Variants in WWC1 observed in about 807,000 individuals in gnomAD.
WWC1 encodes protein KIBRA.
A neutral mutation model predicts 138.4 loss-of-function variants in WWC1; 55 were observed. That is an observed-to-expected ratio of 0.40 (90% CI 0.32 to 0.50). The LOEUF (loss-of-function observed/expected upper bound fraction) is 0.50, where lower values mean the gene tolerates loss of function less well. WWC1 is among the 20% of genes least tolerant of loss of function. WWC1 has a pLI of 0.72. For synonymous variants in WWC1, 524 were observed against 564.9 expected, an observed-to-expected ratio of 0.93 and a Z score of 1.03; for missense variants, 1,226 against 1,420.4, an observed-to-expected ratio of 0.86 and a Z score of 2.20.
Position 168,292,338 on chromosome 5 carries a change from C to G in WWC1, c.119+67C>G. ...CTGGGCCCCCACCTGCCCCTGGAGC[C>G]GCCGGCCGGGACTGGGAGGGGGCAG... On this transcript the variant is annotated intron_variant, in intron 1 of 22. Transcript: ENST00000265293. The surrounding 1 kb of genome is among the most constrained non-coding windows in gnomAD (Gnocchi z 4.4). 1 of 1,523,854 alleles carries G rather than the reference C, an allele frequency of 6.6e-7. No individual in the cohort carries two copies. The highest frequency in any genetic ancestry group is 8.8e-7 in the Non-Finnish European group (1 of 1,133,082). 94.4% of individuals were successfully genotyped at this position (1,523,854 alleles called of 1,614,324 possible).
chr5:168,372,053 T>TTGTGTGTGTG (rs10595228), intron 2 of WWC1, among the ~76,000 whole-genome samples: 3,561 of 141,308 alleles, frequency 0.025, 62 homozygotes, highest in African/African-American at 0.034. Flanking sequence ...AAGAGTGTGT[T>TTGTGTGTGTG]TGTGTGTGTG....
intron 1 of WWC1, among the ~76,000 whole-genome samples, chr5:168,347,782 A>G (rs114159193): frequency 8.9e-4 from 136 of 152,246 alleles, no homozygotes; most frequent in Middle Eastern, 3.4e-3. Context: ...AAAAATCCCT[A>G]TATATTTATG....
At chr5:168,414,778 C>A in intron 9 of WWC1, 188 bp downstream of exon 9, 1 of 844,338 alleles carries the variant, frequency 1.2e-6, no homozygotes, top group Non-Finnish European at 1.7e-6. Flanking sequence ...AGTGCGCCAG[C>A]TACCCTGGAA....
At chr5:168,361,137 C>G (rs932145319) in intron 1 of WWC1, among the ~76,000 whole-genome samples, 7 of 152,164 alleles carry the variant, frequency 4.6e-5, no homozygotes, top group African/African-American at 1.7e-4. Flanking sequence ...CTGCTCTATA[C>G]CTGCAGGAAA....
intron 11 of WWC1, among the ~76,000 whole-genome samples, chr5:168,426,643 G>A (rs1781525400): frequency 6.6e-6 from 1 of 152,216 alleles, no homozygotes; most frequent in South Asian, 2.1e-4. Flanking sequence ...CTGAAAGCAG[G>A]AGGTCTCCGC....
chr5:168,377,425 CA>C (rs142114627), intron 2 of WWC1, among the ~76,000 whole-genome samples: 1,592 of 152,216 alleles, frequency 0.01, 35 homozygotes, highest in African/African-American at 0.036. Flanking sequence ...CTAAAATTGA[CA>C]AATGGGACCT....
At position 168,469,587 on chromosome 5, in the gene WWC1, A is replaced by C. The variant is rs1484917503; in HGVS notation, c.*570A>C. 6.5e-6 allele frequency: 1 copy of C among 154,064 alleles called. No individual in the cohort carries two copies. The highest frequency in any genetic ancestry group is 2.4e-5 in the African/African-American group (1 of 41,452). The allele number at this position is 154,064 out of a possible 1,614,324, so 9.5% of individuals were successfully genotyped here. On this transcript the variant is annotated 3_prime_UTR_variant, in exon 23 of 23. Transcript: ENST00000265293. ...GTGACGTGTTTTTATGTGGCTGCCC[A>C]ACGTGGAGCGGGCAGTGTGATAGGC...
intron 1 of WWC1, among the ~76,000 whole-genome samples, chr5:168,347,002 C>G (rs1423127018): frequency 6.6e-6 from 1 of 152,142 alleles, no homozygotes; most frequent in East Asian, 1.9e-4. Context: ...ACACCTGCAG[C>G]TGCTGTTTTC....
chr5:168,396,963 TTC>T (rs1199927487), intron 3 of WWC1, among the ~76,000 whole-genome samples: 1 of 151,722 alleles, frequency 6.6e-6, no homozygotes, highest in African/African-American at 2.4e-5. Context: ...TTTTATTTTT[TTC>T]TGATTGTAAA....
chr5:168,446,328 A>C (rs996444360), intron 17 of WWC1, among the ~76,000 whole-genome samples: 5 of 151,038 alleles, frequency 3.3e-5, no homozygotes, highest in African/African-American at 1.2e-4. Flanking sequence ...TCCCTGATGT[A>C]ATCAAAATGT....
At chr5:168,354,464 AATTTAAACT>A (rs1775242069) in intron 1 of WWC1, among the ~76,000 whole-genome samples, 1 of 152,170 alleles carries the variant, frequency 6.6e-6, no homozygotes, top group Non-Finnish European at 1.5e-5. Flanking sequence ...GGAAAAGCAA[AATTTAAACT>A]ATTTGGATAC....
intron 2 of WWC1, among the ~76,000 whole-genome samples, chr5:168,383,133 C>T (rs185217649): frequency 4.3e-4 from 65 of 150,518 alleles, no homozygotes; most frequent in African/African-American, 7.6e-4. Flanking sequence ...GCCAAGATCA[C>T]GCCACTGCAC....
intron 1 of WWC1, among the ~76,000 whole-genome samples, chr5:168,323,458 G>T (rs1186365276): frequency 6.6e-6 from 1 of 152,014 alleles, no homozygotes. Context: ...GAGGCAGGAG[G>T]ATCACTTGAG....
chr5:168,346,886 T>C (rs920117856), intron 1 of WWC1, among the ~76,000 whole-genome samples: 9 of 152,172 alleles, frequency 5.9e-5, no homozygotes, highest in Admixed American at 5.9e-4. Context: ...GTTTCCCAGA[T>C]GCCTTCATTC....
intron 1 of WWC1, among the ~76,000 whole-genome samples, chr5:168,294,697 G>A (rs1769370291): frequency 6.6e-6 from 1 of 152,094 alleles, no homozygotes; most frequent in East Asian, 1.9e-4. Flanking sequence ...TGCGATCTTG[G>A]CTCACTGCAA....
intron 1 of WWC1, among the ~76,000 whole-genome samples, chr5:168,336,571 C>CAAAAAAAAAAAAA (rs57339649): frequency 1.7e-5 from 1 of 58,020 alleles, no homozygotes. Flanking sequence ...GACTCTGTCT[C>CAAAAAAAAAAAAA]AAAAAAAAAA....
At chr5:168,424,887 C>T (rs550570088) in intron 11 of WWC1, among the ~76,000 whole-genome samples, 4 of 152,182 alleles carry the variant, frequency 2.6e-5, no homozygotes, top group South Asian at 2.1e-4. Context: ...TGGTGTTGGC[C>T]GGAATTTAAG....
Position 168,377,612 on chromosome 5 carries a change from T to C in WWC1, c.229+6079T>C, listed in dbSNP as rs57416488. Among the ~76,000 whole-genome samples the C allele has an allele frequency of 4.9e-3, 752 of 152,106 alleles. 5 individuals are homozygous for C. Among genetic ancestry groups the C allele is most frequent in the African/African-American group, 0.018 (731 of 41,488 alleles). ...AAAAACAAATAACCCCATTAGAAAG[T>C]GAGCAAAACAATAAACAGACACTTC... On this transcript the variant is annotated intron_variant, in intron 2 of 22. Transcript: ENST00000265293.
chr5:168,409,882 C>G, intron 7 of WWC1, 40 bp from the exon 8 acceptor site: 1 of 1,610,570 alleles, frequency 6.2e-7, no homozygotes, highest in Non-Finnish European at 8.5e-7. Context: ...GCACCGGCCA[C>G]AACAGCCACA....
Sources: allele counts gnomAD v4.1 joint callset (sites outside exome capture counted in the v4.1 genomes callset), GRCh38; gene constraint gnomAD v4.1.1; non-coding constraint Gnocchi (gnomAD v3.1); transcripts MANE v1.5; gene names NCBI Gene and HGNC (gene_info 2026-07-23, HGNC 2026-07-21).